The following ABHD2 variants were observed in gnomAD, a reference collection of about 807,000 sequenced individuals.
ABHD2 encodes the protein monoacylglycerol lipase ABHD2.
A neutral mutation model predicts 48.1 loss-of-function variants in ABHD2; 20 were observed. The observed-to-expected ratio is 0.42, with a 90% CI of 0.29 to 0.60. ABHD2 has a LOEUF of 0.60. ABHD2 is among the 20% of genes least tolerant of loss of function. ABHD2 has a pLI of 0.24. For missense variants in ABHD2, 405 were observed against 550.9 expected, an observed-to-expected ratio of 0.74 and a Z score of 2.65; for synonymous variants, 209 against 214.2, an observed-to-expected ratio of 0.98 and a Z score of 0.21.
intron 3 of ABHD2, among the ~76,000 whole-genome samples, chr15:89,144,168 C>G (rs555479378): frequency 1.3e-5 from 2 of 152,276 alleles, no homozygotes; most frequent in African/African-American, 4.8e-5. Flanking sequence ...CGGTCTCACT[C>G]TGTCGCCCAG....
At chr15:89,130,048 A>G (rs905358805) in intron 3 of ABHD2, among the ~76,000 whole-genome samples, 13 of 152,208 alleles carry the variant, frequency 8.5e-5, no homozygotes, top group African/African-American at 3.1e-4. Context: ...TGTAATAAGC[A>G]CCTCATAATG....
chr15:89,080,083 G>T, the ABHD2 span, among the ~76,000 whole-genome samples: 1 of 152,168 alleles, frequency 6.6e-6, no homozygotes. Flanking sequence ...TTGCTCATGG[G>T]GCAGAGATTC....
chr15:89,151,565 T>C lies in ABHD2; in HGVS notation c.195-112T>C. 8.6e-7 allele frequency: 1 copy of C among 1,165,954 alleles called. No homozygotes were observed. Among genetic ancestry groups the C allele is most frequent in the South Asian group, 1.5e-5 (1 of 66,306 alleles). 72.2% of individuals were successfully genotyped at this position (1,165,954 alleles called of 1,614,324 possible). Reference sequence around the variant, plus strand: ...ATAAAAGCCTCATGTTTATGCTTTGTGTGCAGAATTTCCCTGGAACAAAAA... The same window carrying C: ...ATAAAAGCCTCATGTTTATGCTTTGCGTGCAGAATTTCCCTGGAACAAAAA... On this transcript the variant is annotated intron_variant, in intron 3 of 10. Coordinates refer to ENST00000352732, the MANE Select transcript of ABHD2 (RefSeq NM_152924.5). This position sits in a 1 kb window ranked among gnomAD's most constrained non-coding sequence, Gnocchi z 4.7.
rs1465587936 is a variant in ABHD2 at position 89,198,007 on chromosome 15, T to A, written c.*2584T>A. The A allele has an allele frequency of 1.3e-5, 2 of 152,202 alleles. No homozygotes were observed. The highest frequency in any genetic ancestry group is 2.9e-5 in the Non-Finnish European group (2 of 68,032). The allele number at this position is 152,202 out of a possible 1,614,324, so 9.4% of individuals were successfully genotyped here. A position where few individuals can be genotyped will look rare whatever the true frequency, so the allele number is the denominator to read the frequency against. ...GAATGAGAGCACAGAGGCATTGAATTCACAGAGCTGCAAACTTGCCTGATA... is the reference window on the plus strand; with the variant it reads ...GAATGAGAGCACAGAGGCATTGAATACACAGAGCTGCAAACTTGCCTGATA... On this transcript the variant is annotated 3_prime_UTR_variant, in exon 11 of 11. Transcript: ENST00000352732. The surrounding 1 kb of genome is among the most constrained non-coding windows in gnomAD (Gnocchi z 5.1).
In ABHD2 at chr15:89,136,721, G is replaced by T. The variant is rs116018151; in HGVS notation, c.195-14956G>T. On this transcript the variant is annotated intron_variant, in intron 3 of 10. Coordinates refer to ENST00000352732, the MANE Select transcript of ABHD2 (RefSeq NM_152924.5). The stretch of plus-strand genomic sequence containing the variant: ...AGAGCATTCTGTGTAGGTAATCCAG[G>T]GGCTTCACATTTAGGTATTTGAGTT... 3.6e-3 allele frequency among the ~76,000 whole-genome samples: 548 copies of T among 152,316 alleles called. 2 individuals are homozygous for T. Among genetic ancestry groups the T allele is most frequent in the African/African-American group, 0.013 (524 of 41,558 alleles).
In ABHD2 at chr15:89,176,051, GC is replaced by G; in HGVS notation, c.722+60del. 1 of 1,498,944 alleles carries G rather than the reference GC, an allele frequency of 6.7e-7. No individual in the cohort carries two copies. The highest frequency in any genetic ancestry group is 9.0e-7 in the Non-Finnish European group (1 of 1,109,924). 92.9% of individuals were successfully genotyped at this position (1,498,944 alleles called of 1,614,324 possible). On this transcript the variant is annotated intron_variant, in intron 6 of 10. Transcript: ENST00000352732. The surrounding 1 kb of genome is among the most constrained non-coding windows in gnomAD (Gnocchi z 4.5). ...TCAGTTAGCCCTTATTTATAGAGAT[GC>G]CCCGACGCACAACACACTGTTCTGT...
In ABHD2 at chr15:89,174,540, A is replaced by T. The variant is rs1330934671; in HGVS notation, c.539-1272A>T. ...CACAAAAGAAGACAGATATAAGGGG[A>T]GTTTACCCCAGGCTCAAAAGATACT... is the stretch of plus-strand genomic sequence containing the variant. On this transcript the variant is annotated intron_variant, in intron 5 of 10. Coordinates refer to ENST00000352732, the MANE Select transcript of ABHD2 (RefSeq NM_152924.5). This position sits in a 1 kb window ranked among gnomAD's most constrained non-coding sequence, Gnocchi z 4.1. Among the ~76,000 whole-genome samples the T allele has an allele frequency of 6.6e-6, 1 of 152,150 alleles. No homozygotes were observed. Among genetic ancestry groups the T allele is most frequent in the Non-Finnish European group, 1.5e-5 (1 of 68,032 alleles).
chr15:89,092,686 A>G lies in ABHD2; in HGVS notation c.-107+4123A>G, dbSNP rs1039148957. ...AGGGATTTTATACATCTGTAAGCAA[A>G]TTCGTTAAACATATTCTGTACACCA... is the stretch of plus-strand genomic sequence containing the variant. On this transcript the variant is annotated intron_variant, in intron 1 of 10. Transcript: ENST00000352732. This position sits in a 1 kb window ranked among gnomAD's most constrained non-coding sequence, Gnocchi z 4.4. Among the ~76,000 whole-genome samples, 1 of 152,188 alleles carries G rather than the reference A, an allele frequency of 6.6e-6. No homozygotes were observed. Among genetic ancestry groups the G allele is most frequent in the African/African-American group, 2.4e-5 (1 of 41,462 alleles).
At chr15:89,041,466 G>T in the ABHD2 span, among the ~76,000 whole-genome samples, 2 of 152,168 alleles carry the variant, frequency 1.3e-5, no homozygotes, top group Non-Finnish European at 2.9e-5. Flanking sequence ...CCGCCTAAGG[G>T]CACAGAGGCA....
At chr15:89,095,680 C>T (rs952482825) in intron 1 of ABHD2, among the ~76,000 whole-genome samples, 1 of 152,180 alleles carries the variant, frequency 6.6e-6, no homozygotes, top group Admixed American at 6.5e-5. Flanking sequence ...ACCTCTCTTC[C>T]GTGTCCCCAC....
At position 89,114,934 on chromosome 15, in the gene ABHD2, G is replaced by A. The variant is rs1370948391; in HGVS notation, c.-7+1110G>A. Among the ~76,000 whole-genome samples, 1 of 152,212 alleles carries A rather than the reference G, an allele frequency of 6.6e-6. No homozygotes were observed. Among genetic ancestry groups the A allele is most frequent in the East Asian group, 1.9e-4 (1 of 5,202 alleles). ...GGTGGAAGACTAGTTACGGAGCTGTGATCTTTTACTTCCATTCATTACTGA... is the reference window on the plus strand; with the variant it reads ...GGTGGAAGACTAGTTACGGAGCTGTAATCTTTTACTTCCATTCATTACTGA... On this transcript the variant is annotated intron_variant, in intron 2 of 10. Coordinates refer to ENST00000352732, the MANE Select transcript of ABHD2 (RefSeq NM_152924.5). This position sits in a 1 kb window ranked among gnomAD's most constrained non-coding sequence, Gnocchi z 4.2.
chr15:89,099,505 C>T (rs768731113), intron 1 of ABHD2, among the ~76,000 whole-genome samples: 1 of 152,244 alleles, frequency 6.6e-6, no homozygotes, highest in Non-Finnish European at 1.5e-5. Flanking sequence ...CCCAGCTACT[C>T]GGGAAGCTGA....
At chr15:89,060,426 A>G in the ABHD2 span, among the ~76,000 whole-genome samples, 1 of 151,944 alleles carries the variant, frequency 6.6e-6, no homozygotes, top group African/African-American at 2.4e-5. Flanking sequence ...TCCTCCCAAA[A>G]CAAAGAGTTT....
the ABHD2 span, among the ~76,000 whole-genome samples, chr15:89,044,586 G>A: frequency 1.3e-5 from 2 of 151,326 alleles, no homozygotes. Flanking sequence ...ACTTTTTAAT[G>A]ATTGCCATTC....
chr15:89,054,329 A>G, the ABHD2 span, among the ~76,000 whole-genome samples: 2 of 151,982 alleles, frequency 1.3e-5, no homozygotes, highest in Non-Finnish European at 2.9e-5. Flanking sequence ...CTCAAAAAAA[A>G]AAAAAAGGAT....
Position 89,185,622 on chromosome 15 carries a change from A to T in ABHD2, c.815+106A>T. 2.0e-6 allele frequency: 2 copies of T among 981,666 alleles called. No homozygotes were observed. The highest frequency in any genetic ancestry group is 3.1e-6 in the Non-Finnish European group (2 of 641,534). The allele number at this position is 981,666 out of a possible 1,614,324, so 60.8% of individuals were successfully genotyped here. A position where few individuals can be genotyped will look rare whatever the true frequency, so the allele number is the denominator to read the frequency against. On this transcript the variant is annotated intron_variant, in intron 7 of 10. Coordinates refer to ENST00000352732, the MANE Select transcript of ABHD2 (RefSeq NM_152924.5). This position sits in a 1 kb window ranked among gnomAD's most constrained non-coding sequence, Gnocchi z 5.9. ...CTGTTCCTTCAGGGGAAAAAAAAAA[A>T]TGCAGGTGTGGTACAGACTCTCTGC...
chr15:89,062,608 G>A, the ABHD2 span, among the ~76,000 whole-genome samples: 1 of 152,050 alleles, frequency 6.6e-6, no homozygotes, highest in Non-Finnish European at 1.5e-5. Flanking sequence ...GGCTTGTCTT[G>A]AACTCCTGGG....
In ABHD2 at chr15:89,176,298, G is replaced by C. The variant is rs1284885195; in HGVS notation, c.722+303G>C. Among the ~76,000 whole-genome samples, 1 of 152,086 alleles carries C rather than the reference G, an allele frequency of 6.6e-6. No individual in the cohort carries two copies. Among genetic ancestry groups the C allele is most frequent in the Admixed American group, 6.6e-5 (1 of 15,266 alleles). ...CTGTCAGGTGACTTAATTTGTTCAG[G>C]CTTCAGGAGTTTTTATAGAAACGTG... On this transcript the variant is annotated intron_variant, in intron 6 of 10. Coordinates refer to ENST00000352732, the MANE Select transcript of ABHD2 (RefSeq NM_152924.5). The surrounding 1 kb of genome is among the most constrained non-coding windows in gnomAD (Gnocchi z 4.5).
chr15:89,049,174 G>C, the ABHD2 span, among the ~76,000 whole-genome samples: 1 of 152,128 alleles, frequency 6.6e-6, no homozygotes, highest in Non-Finnish European at 1.5e-5. Context: ...TGCCCCTGCT[G>C]GGGGGTGCCT....
Sources: allele counts gnomAD v4.1 joint callset (sites outside exome capture counted in the v4.1 genomes callset), GRCh38; gene constraint gnomAD v4.1.1; non-coding constraint Gnocchi (gnomAD v3.1); transcripts MANE v1.5; gene names NCBI Gene and HGNC (gene_info 2026-07-23, HGNC 2026-07-21).